The following GLI2 variants were observed in gnomAD, a reference collection of about 807,000 sequenced individuals.
GLI2 encodes GLI family zinc finger 2.
In GLI2, 22 loss-of-function variants were observed where a neutral mutation model predicts 78.9. That is an observed-to-expected ratio of 0.28 (90% CI 0.20 to 0.40). The LOEUF is 0.40. Among genes scored for constraint, GLI2 ranks in the 10% least tolerant of loss-of-function variants. The probability of loss-of-function intolerance (pLI) is 1.00; values close to 1 mark genes in which losing one functional copy is unlikely to be tolerated. For synonymous variants in GLI2, 974 were observed against 963.7 expected (o/e 1.01, Z -0.20); for missense variants, 2,097 against 2,213.2 (o/e 0.95, Z 1.05).
At chr2:120,968,661 C>A in intron 5 of GLI2, 53 bp from the exon 6 acceptor site, 1 of 1,303,072 alleles carries the variant, frequency 7.7e-7, no homozygotes, top group Non-Finnish European at 1.1e-6. Flanking sequence ...CACATGTCAC[C>A]CCCTCCCCCA....
intron 1 of GLI2, among the ~76,000 whole-genome samples, chr2:120,787,765 G>A (rs978224050): frequency 6.6e-6 from 1 of 152,348 alleles, no homozygotes; most frequent in Admixed American, 6.5e-5. Context: ...CTGGGTCAGC[G>A]GTGCTGGGGG....
chr2:120,977,065 G>A (rs1484261425), intron 9 of GLI2, among the ~76,000 whole-genome samples: 2 of 152,220 alleles, frequency 1.3e-5, no homozygotes, highest in Non-Finnish European at 2.9e-5. Flanking sequence ...TGCTCCAGCA[G>A]GGGCATCTGT....
rs558844955 is a variant in GLI2, at chr2:120,902,086, A to G, written c.149-25275A>G. 2.0e-4 allele frequency among the ~76,000 whole-genome samples: 30 copies of G among 151,982 alleles called. No homozygotes were observed. The South Asian group carries it at 6.1e-3, about 31-fold the overall frequency. On this transcript the variant is annotated intron_variant, in intron 2 of 13. Transcript: ENST00000361492. The stretch of plus-strand genomic sequence containing the variant: ...AGCTGGTTCTACGCATCTCTCCCAA[A>G]CTATATGCTCAGTGTCTTCTCCTTG...
intron 2 of GLI2, among the ~76,000 whole-genome samples, chr2:120,897,820 T>C (rs746114635): frequency 6.6e-5 from 10 of 152,198 alleles, no homozygotes; most frequent in Non-Finnish European, 1.5e-4. Flanking sequence ...ATCCTGTATT[T>C]ATATAACATG....
intron 2 of GLI2, among the ~76,000 whole-genome samples, chr2:120,838,196 G>A (rs1165102498): frequency 2.0e-5 from 3 of 151,806 alleles, no homozygotes; most frequent in Non-Finnish European, 2.9e-5. Flanking sequence ...CACATTTTTT[G>A]TTACATTTAT....
chr2:120,942,862 T>TTTCA (rs548470143), intron 3 of GLI2, among the ~76,000 whole-genome samples: 63 of 9,898 alleles, frequency 6.4e-3, no homozygotes, highest in South Asian at 0.033. Context: ...TCACGCCCTC[T>TTTCA]TTCATTCATT....
chr2:120,923,577 C>T (rs1038835639), intron 2 of GLI2, among the ~76,000 whole-genome samples: 4 of 151,984 alleles, frequency 2.6e-5, no homozygotes, highest in African/African-American at 9.7e-5. Flanking sequence ...CACAGCAACA[C>T]ATACATATAC....
rs184339398 is a variant in GLI2, at chr2:120,754,586, C to T, written c.-31+18301C>T. ...TTTGGAATTCATCCATGTTGCTGCACGTATCAATAGTTTATTCATTTTTAT... is the reference window on the plus strand; with the variant it reads ...TTTGGAATTCATCCATGTTGCTGCATGTATCAATAGTTTATTCATTTTTAT... On this transcript the variant is annotated intron_variant, in intron 1 of 13. Coordinates refer to ENST00000361492, the MANE Select transcript of GLI2 (RefSeq NM_001374353.1). Among the ~76,000 whole-genome samples the T allele has an allele frequency of 6.6e-5, 10 of 152,272 alleles. No individual in the cohort carries two copies. The East Asian group carries it at 1.9e-3, about 29-fold the overall frequency.
Position 120,968,838 on chromosome 2 carries a change from A to G in GLI2, c.768A>G (p.Leu256=). Residue 256 remains leucine, a synonymous_variant, in exon 6 of 14, where the codon CTA becomes CTG. Transcript: ENST00000361492. ...QRMIRTSPNS[L]VAYINNSRSS... is the part of the protein sequence containing the mutation. ...TGATCCGCACCTCACCCAACTCGCT[A>G]GTGGCCTACATCAACAACTCCCGAA... 6.2e-7 allele frequency: 1 copy of G among 1,613,784 alleles called. No homozygotes were observed. Among genetic ancestry groups the G allele is most frequent in the Non-Finnish European group, 8.5e-7 (1 of 1,179,954 alleles).
At chr2:120,949,076 C>T (rs1680856464) in intron 3 of GLI2, among the ~76,000 whole-genome samples, 1 of 152,186 alleles carries the variant, frequency 6.6e-6, no homozygotes, top group South Asian at 2.1e-4. Context: ...CCACCCATCC[C>T]GTGGCAGGAT....
chr2:120,898,234 A>G (rs1678078392), intron 2 of GLI2, among the ~76,000 whole-genome samples: 1 of 151,644 alleles, frequency 6.6e-6, no homozygotes. Context: ...TGTCATAAAG[A>G]AAATCATTCC....
At chr2:120,912,661 G>C (rs942730915) in intron 2 of GLI2, among the ~76,000 whole-genome samples, 3 of 152,334 alleles carry the variant, frequency 2.0e-5, no homozygotes, top group African/African-American at 2.4e-5. Context: ...AACACGGCTT[G>C]CCCGGTGTTT....
At chr2:120,946,609 G>C (rs958477753) in intron 3 of GLI2, among the ~76,000 whole-genome samples, 1 of 152,214 alleles carries the variant, frequency 6.6e-6, no homozygotes, top group Admixed American at 6.5e-5. Context: ...TGTGGAAATG[G>C]AAGAAGAAAG....
rs538123635 is a variant in GLI2 at position 120,898,612 on chromosome 2, CTG to C, written c.149-28745_149-28744del. 3.2e-3 allele frequency among the ~76,000 whole-genome samples: 492 copies of C among 152,216 alleles called. 5 individuals are homozygous for C. The highest frequency in any genetic ancestry group is 0.011 in the African/African-American group (460 of 41,520). Reference sequence around the variant, plus strand: ...CCCGGCTCTGGGTGGCAAGGAGTATCTGTGTTACTTTGTAAAGAGGGCAAAGA... The same window carrying C: ...CCCGGCTCTGGGTGGCAAGGAGTATCTGTTACTTTGTAAAGAGGGCAAAGA... On this transcript the variant is annotated intron_variant, in intron 2 of 13. Coordinates refer to ENST00000361492, the MANE Select transcript of GLI2 (RefSeq NM_001374353.1).
chr2:120,856,676 C>G (rs938862718), intron 2 of GLI2, among the ~76,000 whole-genome samples: 6 of 152,182 alleles, frequency 3.9e-5, no homozygotes, highest in Non-Finnish European at 2.9e-5. Context: ...GGACTGCAGT[C>G]CCGAGCCCTC....
chr2:120,957,613 A>G (rs1320722534), intron 5 of GLI2, among the ~76,000 whole-genome samples: 1 of 152,210 alleles, frequency 6.6e-6, no homozygotes, highest in Non-Finnish European at 1.5e-5. Flanking sequence ...GACGAGGCAG[A>G]GAAACCACGG....
At chr2:120,786,887 G>T (rs1033418941) in intron 1 of GLI2, among the ~76,000 whole-genome samples, 1 of 152,316 alleles carries the variant, frequency 6.6e-6, no homozygotes, top group Admixed American at 6.5e-5. Flanking sequence ...CGTGGACTTT[G>T]TGGGGCATTG....
intron 1 of GLI2, among the ~76,000 whole-genome samples, chr2:120,774,768 C>G (rs958122232): frequency 6.6e-6 from 1 of 151,534 alleles, no homozygotes; most frequent in Non-Finnish European, 1.5e-5. Context: ...CTCACCACTC[C>G]CTATTGCCCC....
chr2:120,977,551 G>A (rs937115407), intron 9 of GLI2, among the ~76,000 whole-genome samples: 1 of 152,214 alleles, frequency 6.6e-6, no homozygotes, highest in Non-Finnish European at 1.5e-5. Flanking sequence ...GGTTGTGGGA[G>A]GGGGGCTGGG....
Sources: allele counts gnomAD v4.1 joint callset (sites outside exome capture counted in the v4.1 genomes callset), GRCh38; gene constraint gnomAD v4.1.1; transcripts MANE v1.5; gene names NCBI Gene and HGNC (gene_info 2026-07-23, HGNC 2026-07-21).